The following PCDHGB1 variants were observed in gnomAD, a reference collection of about 807,000 sequenced individuals.
PCDHGB1 encodes protocadherin gamma-B1.
A neutral mutation model predicts 56.6 loss-of-function variants in PCDHGB1; 34 were observed. The observed-to-expected ratio is 0.60, with a 90% CI of 0.46 to 0.80. The LOEUF (loss-of-function observed/expected upper bound fraction) is 0.80. PCDHGB1 is among the 30% of genes least tolerant of loss of function. The pLI, the probability that PCDHGB1 is intolerant of heterozygous loss-of-function variation, is 0.00. For missense variants in PCDHGB1, 1,278 were observed against 1,204.6 expected (o/e 1.06, Z -0.90); for synonymous variants, 561 against 505.9 (o/e 1.11, Z -1.46).
At chr5:141,478,137 G>C (rs762316494) in intron 1 of PCDHGB1, 1 of 1,613,872 alleles carries the variant, frequency 6.2e-7, no homozygotes, top group South Asian at 1.1e-5. Context: ...CCTGAAGCCC[G>C]AGCCGAGTTC....
At position 141,430,830 on chromosome 5, in the gene PCDHGB1, G is replaced by A. The variant is rs754181300; in HGVS notation, c.2410-63977G>A. The stretch of plus-strand genomic sequence containing the variant: ...CTGGGAATCCTCCTGGGGACTCTGT[G>A]GGAGACCGGATGCACCCAGATACGC... On this transcript the variant is annotated intron_variant, in intron 1 of 3. Coordinates refer to ENST00000523390, the MANE Select transcript of PCDHGB1 (RefSeq NM_018922.3). 8 of 1,554,850 alleles carry A rather than the reference G, an allele frequency of 5.1e-6. No homozygotes were observed. The East Asian group carries it at 1.6e-4, about 31-fold the overall frequency.
chr5:141,396,708 T>C (rs1402538886), intron 1 of PCDHGB1: 1 of 152,190 alleles, frequency 6.6e-6, no homozygotes, highest in Admixed American at 6.5e-5. Flanking sequence ...AGCATTTGAA[T>C]AAAGCTAATA....
intron 2 of PCDHGB1, among the ~76,000 whole-genome samples, chr5:141,501,420 T>C (rs1429838126): frequency 6.6e-6 from 1 of 152,006 alleles, no homozygotes; most frequent in Non-Finnish European, 1.5e-5. Context: ...AATAGTTGAC[T>C]AAATGTAGTC....
At chr5:141,427,570 C>T (rs1487817661) in intron 1 of PCDHGB1, 1 of 662,270 alleles carries the variant, frequency 1.5e-6, no homozygotes, top group Admixed American at 2.1e-5. Context: ...GGCAAGCCTC[C>T]GCTCTCATCC....
At chr5:141,393,664 T>G in intron 1 of PCDHGB1, 1 of 1,613,772 alleles carries the variant, frequency 6.2e-7, no homozygotes, top group Non-Finnish European at 8.5e-7. Flanking sequence ...TTCCGGAAAA[T>G]TAATGAAAAA....
At chr5:141,408,857 G>A (rs372861749) in intron 1 of PCDHGB1, 4 of 1,613,542 alleles carry the variant, frequency 2.5e-6, no homozygotes, top group Non-Finnish European at 3.4e-6. Flanking sequence ...GGACGGAGGG[G>A]ACCCACCAAG....
intron 1 of PCDHGB1, among the ~76,000 whole-genome samples, chr5:141,447,063 G>C (rs762309557): frequency 6.6e-6 from 1 of 152,028 alleles, no homozygotes; most frequent in South Asian, 2.1e-4. Context: ...AATGTGTCAG[G>C]CTGTTTTAAT....
In PCDHGB1 at chr5:141,400,505, C is replaced by T. The variant is rs759107285; in HGVS notation, c.2409+47836C>T. The stretch of plus-strand genomic sequence containing the variant: ...TTTCCACTTTGTAATTCCAGCGAGT[C>T]GACTTCCCATCCTGAGTTGGTGAGT... On this transcript the variant is annotated intron_variant, in intron 1 of 3. Transcript: ENST00000523390. 9 of 1,613,816 alleles carry T rather than the reference C, an allele frequency of 5.6e-6. No homozygotes were observed. In the African/African-American group the frequency reaches 6.7e-5, roughly 12 times the overall value.
Position 141,351,773 on chromosome 5 carries a change from C to T in PCDHGB1, c.1513C>T (p.Pro505Ser). The change falls in exon 1 of 4, where the codon CCG (proline) becomes TCG (serine). Residue 505 changes from proline (P) to serine (S), a missense_variant. Pro to Ser is a moderately conservative substitution (Grantham distance 74, BLOSUM62 -1). Transcript: ENST00000523390. ...RELLSYVSVS[P>S]QSGVVFAQRA... Reference sequence around the variant, plus strand: ...GCTGTTGTCCTACGTGTCCGTGAGCCCGCAGAGCGGGGTGGTGTTCGCGCA... The same window carrying T: ...GCTGTTGTCCTACGTGTCCGTGAGCTCGCAGAGCGGGGTGGTGTTCGCGCA... 2 of 1,613,454 alleles carry T rather than the reference C, an allele frequency of 1.2e-6. No individual in the cohort carries two copies. The highest frequency in any genetic ancestry group is 1.7e-6 in the Non-Finnish European group (2 of 1,179,838).
intron 1 of PCDHGB1, chr5:141,355,373 A>C (rs1279617045): frequency 6.2e-7 from 1 of 1,613,924 alleles, no homozygotes; most frequent in African/African-American, 1.3e-5. Context: ...GCGCCCCGGG[A>C]GCTGGCGGAG....
At chr5:141,355,160 A>G (rs1483905698) in intron 1 of PCDHGB1, 1 of 1,559,252 alleles carries the variant, frequency 6.4e-7, no homozygotes, top group East Asian at 2.3e-5. Context: ...GCCTCGACAG[A>G]GGGAAAACCG....
chr5:141,423,564 G>A (rs2096754933), intron 1 of PCDHGB1: 2 of 1,613,444 alleles, frequency 1.2e-6, no homozygotes, highest in Non-Finnish European at 1.7e-6. Context: ...ATGGGGACAC[G>A]CTCATCAGCC....
chr5:141,357,297 T>C, intron 1 of PCDHGB1: 5 of 1,614,044 alleles, frequency 3.1e-6, no homozygotes, highest in Non-Finnish European at 4.2e-6. Context: ...CAGTGGCCGC[T>C]GTCTCCTGCG....
At position 141,383,504 on chromosome 5, in the gene PCDHGB1, G is replaced by C. The variant is rs373658496; in HGVS notation, c.2409+30835G>C. ...CTGGTGCTGGAGCGGGTGCTGGACC[G>C]GGAGGAAGAGCGGGTTCACCACCTG... On this transcript the variant is annotated intron_variant, in intron 1 of 3. Coordinates refer to ENST00000523390, the MANE Select transcript of PCDHGB1 (RefSeq NM_018922.3). The C allele has an allele frequency of 1.9e-5, 30 of 1,612,648 alleles. No individual in the cohort carries two copies. The East Asian group carries it at 3.6e-4, about 19-fold the overall frequency.
chr5:141,369,294 C>T (rs767666173), intron 1 of PCDHGB1, among the ~76,000 whole-genome samples: 37 of 152,084 alleles, frequency 2.4e-4, no homozygotes, highest in Non-Finnish European at 3.5e-4. Flanking sequence ...ATCCTAATAA[C>T]GCATCATTGT....
At position 141,433,275 on chromosome 5, in the gene PCDHGB1, C is replaced by G. The variant is rs1173546273; in HGVS notation, c.2410-61532C>G. 1.5e-5 allele frequency: 19 copies of G among 1,229,998 alleles called. No homozygotes were observed. In the East Asian group the frequency reaches 3.6e-4, roughly 23 times the overall value. The allele number at this position is 1,229,998 out of a possible 1,614,324, so 76.2% of individuals were successfully genotyped here. A position where few individuals can be genotyped will look rare whatever the true frequency, so the allele number is the denominator to read the frequency against. On this transcript the variant is annotated intron_variant, in intron 1 of 3. Transcript: ENST00000523390. ...GCGGTACGATCATAGCTCACTGCAG[C>G]CTCAAACTCCTAGGCTCAAGCAATT...
At chr5:141,496,808 G>A (rs1387209844) in intron 2 of PCDHGB1, among the ~76,000 whole-genome samples, 3 of 151,736 alleles carry the variant, frequency 2.0e-5, no homozygotes, top group South Asian at 4.2e-4. Flanking sequence ...GGCTATAGGA[G>A]TGAACAAGTA....
intron 1 of PCDHGB1, among the ~76,000 whole-genome samples, chr5:141,482,072 C>G (rs1010432509): frequency 1.5e-5 from 2 of 133,436 alleles, no homozygotes; most frequent in African/African-American, 5.9e-5. Flanking sequence ...GCAACAAGAA[C>G]AAAACTCACT....
intron 1 of PCDHGB1, chr5:141,365,444 C>T (rs771471249): frequency 3.7e-6 from 6 of 1,613,872 alleles, no homozygotes; most frequent in South Asian, 2.2e-5. Context: ...GTTTAGCGTA[C>T]ATGATGGTGA....
Sources: gnomAD v4.1 joint callset for allele counts (sites outside exome capture counted in the v4.1 genomes callset) on GRCh38, gnomAD v4.1.1 for gene constraint, MANE v1.5 for transcripts, NCBI Gene and HGNC (gene_info 2026-07-23, HGNC 2026-07-21) for gene names.